Variants in PCDHA5 observed in about 807,000 individuals in gnomAD.
PCDHA5 encodes protocadherin alpha 5.
A neutral mutation model predicts 61.6 loss-of-function variants in PCDHA5; 43 were observed. That is an observed-to-expected ratio of 0.70 (90% CI 0.55 to 0.90). PCDHA5 has a LOEUF of 0.90. Ranked by LOEUF, PCDHA5 falls within the 40% of genes least tolerant of loss-of-function variation. The probability of loss-of-function intolerance (pLI) is 0.00; values close to 1 mark genes in which losing one functional copy is unlikely to be tolerated. For synonymous variants in PCDHA5, 627 were observed against 543.9 expected, an observed-to-expected ratio of 1.15 and a Z score of -2.13; for missense variants, 1,298 against 1,222.7, an observed-to-expected ratio of 1.06 and a Z score of -0.92.
At position 140,823,889 on chromosome 5, in the gene PCDHA5, C is replaced by G. The variant is rs2150130096; in HGVS notation, c.2114C>G (p.Ala705Gly). ...VNVYLIIAIC[A>G]VSSLLVLTLL... ...GTGTACCTGATCATCGCCATCTGTGCGGTGTCCAGCCTGCTGGTGCTCACG... is the reference window on the plus strand; with the variant it reads ...GTGTACCTGATCATCGCCATCTGTGGGGTGTCCAGCCTGCTGGTGCTCACG... Residue 705 changes from alanine (A) to glycine (G), a missense_variant, in exon 1 of 4, where the codon GCG (alanine) becomes GGG (glycine). Physicochemically the swap from Ala to Gly is moderately conservative, Grantham distance 60. Coordinates refer to ENST00000529859, the MANE Select transcript of PCDHA5 (RefSeq NM_018908.3). 20 of 1,613,944 alleles carry G rather than the reference C, an allele frequency of 1.2e-5. No individual in the cohort carries two copies. The highest frequency in any genetic ancestry group is 1.5e-5 in the Non-Finnish European group (18 of 1,179,938).
chr5:140,842,587 G>A (rs1778112450), intron 1 of PCDHA5: 1 of 1,529,428 alleles, frequency 6.5e-7, no homozygotes, highest in Non-Finnish European at 8.9e-7. Flanking sequence ...CGGCCTATGA[G>A]TTGGTGGTAA....
chr5:140,877,606 G>A, intron 1 of PCDHA5: 1 of 1,613,888 alleles, frequency 6.2e-7, no homozygotes, highest in Non-Finnish European at 8.5e-7. Flanking sequence ...CAGCCTGCTG[G>A]TGCTCACGCT....
Position 140,823,910 on chromosome 5 carries a change from T to C in PCDHA5, c.2135T>C (p.Leu712Pro). The change falls in exon 1 of 4, where the codon CTC becomes CCC. Residue 712 changes from leucine to proline, a missense_variant. Transcript: ENST00000529859. ...TGTGCGGTGTCCAGCCTGCTGGTGC[T>C]CACGCTGCTGCTGTACACCGCGCTG... ...AICAVSSLLV[L>P]TLLLYTALRC... 1 of 1,613,972 alleles carries C rather than the reference T, an allele frequency of 6.2e-7. No homozygotes were observed.
At chr5:140,851,273 G>C in intron 1 of PCDHA5, 1 of 1,057,916 alleles carries the variant, frequency 9.5e-7, no homozygotes, top group African/African-American at 1.7e-5. Flanking sequence ...TACTTGTATT[G>C]TTTATAAGAA....
chr5:140,972,241 GC>G (rs1162351861), intron 1 of PCDHA5, among the ~76,000 whole-genome samples: 1 of 151,838 alleles, frequency 6.6e-6, no homozygotes, highest in Non-Finnish European at 1.5e-5. Flanking sequence ...CTGGGCTCAA[GC>G]AATCCTCACA....
intron 1 of PCDHA5, chr5:140,835,577 G>A: frequency 1.9e-6 from 3 of 1,613,890 alleles, no homozygotes; most frequent in Non-Finnish European, 2.5e-6. Flanking sequence ...TCAAGTTGGT[G>A]TCCACCTTCA....
intron 1 of PCDHA5, among the ~76,000 whole-genome samples, chr5:140,963,667 T>A (rs1206076549): frequency 6.6e-6 from 1 of 152,238 alleles, no homozygotes; most frequent in Non-Finnish European, 1.5e-5. Flanking sequence ...CTATATGGCA[T>A]AGTTAAATGT....
intron 1 of PCDHA5, among the ~76,000 whole-genome samples, chr5:140,964,913 A>G (rs1254329232): frequency 6.6e-6 from 1 of 152,202 alleles, no homozygotes; most frequent in African/African-American, 2.4e-5. Context: ...CTCTGGAATA[A>G]CACTGGCTAG....
At chr5:141,003,432 C>T (rs1175854943) in intron 3 of PCDHA5, among the ~76,000 whole-genome samples, 1 of 152,124 alleles carries the variant, frequency 6.6e-6, no homozygotes, top group African/African-American at 2.4e-5. Context: ...ATGCCTCAGC[C>T]TCCCAAGTAG....
chr5:140,829,425 T>G (rs2150167679), intron 1 of PCDHA5: 1 of 1,613,952 alleles, frequency 6.2e-7, no homozygotes, highest in South Asian at 1.1e-5. Flanking sequence ...TCTGTGGAGG[T>G]GGCCGACATG....
intron 1 of PCDHA5, chr5:140,927,149 T>C: frequency 1.2e-6 from 2 of 1,614,168 alleles, no homozygotes; most frequent in Non-Finnish European, 1.7e-6. Context: ...CGCGAACAGC[T>C]GTGCAGGGCC....
chr5:140,978,571 A>G (rs891123704), intron 1 of PCDHA5, among the ~76,000 whole-genome samples: 5 of 152,208 alleles, frequency 3.3e-5, no homozygotes, highest in African/African-American at 1.2e-4. Flanking sequence ...TGTAATACTG[A>G]ATTGGGAATG....
chr5:140,945,346 A>C (rs2093775452), intron 1 of PCDHA5, among the ~76,000 whole-genome samples: 1 of 152,132 alleles, frequency 6.6e-6, no homozygotes, highest in South Asian at 2.1e-4. Context: ...AGCTTGGAAA[A>C]ATTAATACTG....
At chr5:140,991,078 A>T (rs1378051907) in intron 3 of PCDHA5, among the ~76,000 whole-genome samples, 1 of 152,188 alleles carries the variant, frequency 6.6e-6, no homozygotes, top group Non-Finnish European at 1.5e-5. Context: ...TGTTTCAGAT[A>T]AAAAAATTAA....
Position 140,843,013 on chromosome 5 carries a change from A to G in PCDHA5, c.2352+18886A>G, listed in dbSNP as rs2150350146. On this transcript the variant is annotated intron_variant, in intron 1 of 3. Coordinates refer to ENST00000529859, the MANE Select transcript of PCDHA5 (RefSeq NM_018908.3). The stretch of plus-strand genomic sequence containing the variant: ...TGGACGAGAATGACAACGCGCCGGC[A>G]CTGCTGGAGCCTCGGGTGGGTGGCA... 14 of 1,595,012 alleles carry G rather than the reference A, an allele frequency of 8.8e-6. 1 individual carries two copies. Among genetic ancestry groups the G allele is most frequent in the East Asian group, 2.2e-5 (1 of 44,830 alleles).
At position 140,858,269 on chromosome 5, in the gene PCDHA5, A is replaced by T. The variant is rs367651349; in HGVS notation, c.2352+34142A>T. 8.2e-4 allele frequency: 1,313 copies of T among 1,596,554 alleles called. 103 individuals carry two copies. Among genetic ancestry groups the T allele is most frequent in the Non-Finnish European group, 9.6e-4 (1,118 of 1,166,912 alleles). On this transcript the variant is annotated intron_variant, in intron 1 of 3. Transcript: ENST00000529859. Reference sequence around the variant, plus strand: ...GGTGAAGCCCACGCTGGTGTGCTCTAGCGCGGTGGGGAGCTGGTCTTACTC... The same window carrying T: ...GGTGAAGCCCACGCTGGTGTGCTCTTGCGCGGTGGGGAGCTGGTCTTACTC...
chr5:140,986,714 CATT>C (rs1426352732), intron 3 of PCDHA5, among the ~76,000 whole-genome samples: 4 of 152,118 alleles, frequency 2.6e-5, no homozygotes, highest in Non-Finnish European at 4.4e-5. Flanking sequence ...CAGAAGATAA[CATT>C]ATAGCTTCTC....
intron 1 of PCDHA5, chr5:140,966,927 C>T (rs1434590204): frequency 1.2e-6 from 2 of 1,603,398 alleles, no homozygotes; most frequent in Admixed American, 1.7e-5. Flanking sequence ...GAGCAGGCAC[C>T]CGGCGCGCTC....
At position 140,869,813 on chromosome 5, in the gene PCDHA5, A is replaced by T. The variant is rs782789559; in HGVS notation, c.2352+45686A>T. On this transcript the variant is annotated intron_variant, in intron 1 of 3. Transcript: ENST00000529859. Reference sequence around the variant, plus strand: ...TTAGTCCAAGTCTTGGATGTCAACGACAATGATCCAGAGTTTGATAAATCA... The same window carrying T: ...TTAGTCCAAGTCTTGGATGTCAACGTCAATGATCCAGAGTTTGATAAATCA... The T allele has an allele frequency of 3.1e-6, 5 of 1,612,416 alleles. No individual in the cohort carries two copies. The South Asian group carries it at 5.5e-5, about 18-fold the overall frequency.
Sources: allele counts gnomAD v4.1 joint callset (sites outside exome capture counted in the v4.1 genomes callset), GRCh38; gene constraint gnomAD v4.1.1; transcripts MANE v1.5; gene names NCBI Gene and HGNC (gene_info 2026-07-23, HGNC 2026-07-21).